Variants in AHRR observed in about 807,000 individuals in gnomAD.
The protein encoded by AHRR is ahR repressor.
Under a neutral mutation model 44.0 loss-of-function variants are expected in AHRR, and 28 were observed. That is an observed-to-expected ratio of 0.64 (90% CI 0.47 to 0.87). AHRR has a LOEUF of 0.87. Ranked by LOEUF, AHRR falls within the 40% of genes least tolerant of loss-of-function variation. The pLI, the probability that AHRR is intolerant of heterozygous loss-of-function variation, is 0.00. For missense variants in AHRR, 990 were observed against 953.9 expected, an observed-to-expected ratio of 1.04 and a Z score of -0.50; for synonymous variants, 434 against 407.0, an observed-to-expected ratio of 1.07 and a Z score of -0.80.
At chr5:334,800 C>T (rs1742065058) in intron 1 of AHRR, among the ~76,000 whole-genome samples, 2 of 152,218 alleles carry the variant, frequency 1.3e-5, no homozygotes, top group African/African-American at 4.8e-5. Context: ...GCTTTCTGCA[C>T]ATCTGGTGTA....
At chr5:417,731 T>TA (rs57776750) in intron 5 of AHRR, among the ~76,000 whole-genome samples, 2,142 of 149,514 alleles carry the variant, frequency 0.014, 21 homozygotes, top group Non-Finnish European at 0.021. Flanking sequence ...CATGAGAAGT[T>TA]AAAAAAAAAA....
chr5:327,707 T>C (rs557173042), intron 1 of AHRR, among the ~76,000 whole-genome samples: 1 of 152,332 alleles, frequency 6.6e-6, no homozygotes, highest in African/African-American at 2.4e-5. Context: ...CTTTTTGATA[T>C]ATTGATTTCT....
At chr5:403,540 G>C (rs2672751) in intron 4 of AHRR, among the ~76,000 whole-genome samples, 2,325 of 151,730 alleles carry the variant, frequency 0.015, 60 homozygotes, top group African/African-American at 0.054. Flanking sequence ...GGAGGCTGCA[G>C]CAGGAGAACT....
chr5:433,048 A>C, intron 10 of AHRR, 101 bp downstream of exon 10: 1 of 1,359,366 alleles, frequency 7.4e-7, no homozygotes. Context: ...AAAATAAAAA[A>C]GACGACAGCA....
intron 6 of AHRR, 83 bp downstream of exon 6, chr5:422,941 G>C (rs1736202333): frequency 1.3e-6 from 2 of 1,481,984 alleles, no homozygotes; most frequent in Non-Finnish European, 1.8e-6. Context: ...TGACCCTGTC[G>C]CACCTTCTTG....
Position 363,398 on chromosome 5 carries a change from C to T in AHRR, c.244+9487C>T, listed in dbSNP as rs1743246544. ...AGGAGGTGTATCCTCTCCAGCTGGT[C>T]CCTTACACTCACTTCCTTAGCCCTA... On this transcript the variant is annotated intron_variant, in intron 3 of 10. Transcript: ENST00000684583. Among the ~76,000 whole-genome samples the T allele has an allele frequency of 2.0e-5, 3 of 152,186 alleles. No homozygotes were observed. In the South Asian group the frequency reaches 6.2e-4, roughly 32 times the overall value.
At position 422,813 on chromosome 5, in the gene AHRR, G is replaced by C. The variant is rs1479916095; in HGVS notation, c.526G>C (p.Asp176His). Reference sequence around the variant, plus strand: ...CTGCCGGCAGCTCCACTGGGCCATGGACCCTCCCCAGGTGGTGTTTGGGCA... The same window carrying C: ...CTGCCGGCAGCTCCACTGGGCCATGCACCCTCCCCAGGTGGTGTTTGGGCA... ...DFCRQLHWAMDPPQVVFGQPP... is the reference protein window; with the variant it reads ...DFCRQLHWAMHPPQVVFGQPP... Residue 176 changes from aspartate to histidine, a missense_variant, in exon 6 of 11, where the codon GAC (aspartate) becomes CAC (histidine). Transcript: ENST00000684583. 1.2e-6 allele frequency: 2 copies of C among 1,614,146 alleles called. No homozygotes were observed. Among genetic ancestry groups the C allele is most frequent in the Admixed American group, 3.3e-5 (2 of 60,020 alleles).
intron 2 of AHRR, among the ~76,000 whole-genome samples, chr5:346,834 G>A (rs182671787): frequency 2.0e-5 from 3 of 152,352 alleles, no homozygotes; most frequent in African/African-American, 7.2e-5. Flanking sequence ...GGAAGCTCAC[G>A]TAGCTTGCTG....
At chr5:391,093 A>G (rs1734396034) in intron 4 of AHRR, among the ~76,000 whole-genome samples, 1 of 152,222 alleles carries the variant, frequency 6.6e-6, no homozygotes, top group African/African-American at 2.4e-5. Context: ...GACAGGAACC[A>G]GTGCAGGGAA....
At chr5:361,653 G>A (rs999150148) in intron 3 of AHRR, among the ~76,000 whole-genome samples, 1 of 152,200 alleles carries the variant, frequency 6.6e-6, no homozygotes, top group Non-Finnish European at 1.5e-5. Context: ...GCTTTGCCTT[G>A]CTAGACGTGT....
At position 365,135 on chromosome 5, in the gene AHRR, GA is replaced by G. The variant is rs1000855447; in HGVS notation, c.244+11234del. ...TTATAGAACATTTGAACAATGCAAA[GA>G]AAAAAAAAAGGTTAATTTAGTGGAC... is the stretch of plus-strand genomic sequence containing the variant. On this transcript the variant is annotated intron_variant, in intron 3 of 10. Coordinates refer to ENST00000684583, the MANE Select transcript of AHRR (RefSeq NM_001377236.1). Among the ~76,000 whole-genome samples, 45 of 143,160 alleles carry G rather than the reference GA, an allele frequency of 3.1e-4. No individual in the cohort carries two copies. In the East Asian group the frequency reaches 4.6e-3, roughly 15 times the overall value. 93.9% of individuals were successfully genotyped at this position (143,160 alleles called of 152,430 possible). A position where few individuals can be genotyped will look rare whatever the true frequency, so the allele number is the denominator to read the frequency against.
Position 437,483 on chromosome 5 carries a change from G to A in AHRR, c.*2649G>A, listed in dbSNP as rs938186363. The A allele has an allele frequency of 2.6e-5, 4 of 152,390 alleles. No individual in the cohort carries two copies. The highest frequency in any genetic ancestry group is 2.1e-4 in the South Asian group (1 of 4,834). 9.4% of individuals were successfully genotyped at this position (152,390 alleles called of 1,614,324 possible). A position where few individuals can be genotyped will look rare whatever the true frequency, so the allele number is the denominator to read the frequency against. On this transcript the variant is annotated 3_prime_UTR_variant, in exon 11 of 11. Coordinates refer to ENST00000684583, the MANE Select transcript of AHRR (RefSeq NM_001377236.1). The stretch of plus-strand genomic sequence containing the variant: ...GGAAAAACACCAGGCCCCAAAGATC[G>A]AATCAGAGACGTGGCTGCGTGTTTG...
At chr5:332,873 G>A (rs1430699972) in intron 1 of AHRR, among the ~76,000 whole-genome samples, 4 of 146,236 alleles carry the variant, frequency 2.7e-5, no homozygotes, top group African/African-American at 1.0e-4. Context: ...ATGTAGAATT[G>A]TTTTATCCTC....
chr5:379,264 C>T lies in AHRR; in HGVS notation c.351+2548C>T, dbSNP rs151076361. On this transcript the variant is annotated intron_variant, in intron 4 of 10. Transcript: ENST00000684583. ...GGATTTGGGCTCATCCACGGTGCTG[C>T]GGGCCGCTGGTTTGTTTCTTGTTAT... Among the ~76,000 whole-genome samples the T allele has an allele frequency of 4.4e-3, 668 of 152,286 alleles. 4 individuals carry two copies. Among genetic ancestry groups the T allele is most frequent in the African/African-American group, 0.015 (638 of 41,554 alleles).
At position 437,546 on chromosome 5, in the gene AHRR, A is replaced by G. The variant is rs558674748; in HGVS notation, c.*2712A>G. On this transcript the variant is annotated 3_prime_UTR_variant, in exon 11 of 11. Transcript: ENST00000684583. ...GGCCCTTCAGTGTCATCAAAGGAGC[A>G]CTGGGGCCTCCTTAAGCACAGACGG... 1 of 152,464 alleles carries G rather than the reference A, an allele frequency of 6.6e-6. No individual in the cohort carries two copies. The highest frequency in any genetic ancestry group is 2.4e-5 in the African/African-American group (1 of 41,570). 9.4% of individuals were successfully genotyped at this position (152,464 alleles called of 1,614,324 possible). A position where few individuals can be genotyped will look rare whatever the true frequency, so the allele number is the denominator to read the frequency against.
At chr5:429,493 C>T (rs991727181) in intron 8 of AHRR, among the ~76,000 whole-genome samples, 3 of 152,244 alleles carry the variant, frequency 2.0e-5, no homozygotes, top group African/African-American at 4.8e-5. Flanking sequence ...CCTGCCCCTG[C>T]CCCCTGGCCC....
At chr5:340,021 A>G (rs1030786548) in intron 1 of AHRR, among the ~76,000 whole-genome samples, 1 of 152,198 alleles carries the variant, frequency 6.6e-6, no homozygotes, top group Admixed American at 6.5e-5. Flanking sequence ...TTTTCGTGCA[A>G]TGCCTTTGGT....
At chr5:341,561 C>T (rs1002169544) in intron 1 of AHRR, among the ~76,000 whole-genome samples, 1 of 119,288 alleles carries the variant, frequency 8.4e-6, no homozygotes, top group African/African-American at 3.1e-5. Flanking sequence ...GAGCCTCACT[C>T]TGTCGCCCAG....
At chr5:421,904 C>T (rs941213693) in intron 5 of AHRR, among the ~76,000 whole-genome samples, 2 of 152,190 alleles carry the variant, frequency 1.3e-5, no homozygotes, top group African/African-American at 2.4e-5. Context: ...TAGGAAGAAC[C>T]ACTTGGTTAT....
Sources: allele counts gnomAD v4.1 joint callset (sites outside exome capture counted in the v4.1 genomes callset), GRCh38; gene constraint gnomAD v4.1.1; transcripts MANE v1.5; gene names NCBI Gene and HGNC (gene_info 2026-07-23, HGNC 2026-07-21).